PDGFRA: variants seen among roughly 807,000 people sequenced by gnomAD.
PDGFRA encodes the protein platelet-derived growth factor receptor alpha.
PDGFRA carries 25 observed loss-of-function variants against 121.5 expected under a neutral mutation model. The ratio of observed to expected loss-of-function variants is 0.21; its 90% CI spans 0.15 to 0.29. PDGFRA has a LOEUF of 0.29. PDGFRA is among the 10% of genes least tolerant of loss of function. The pLI is 1.00. For missense variants in PDGFRA, 1,008 were observed against 1,345.1 expected (o/e 0.75, Z 3.92); for synonymous variants, 463 against 494.8 (o/e 0.94, Z 0.85).
chr4:54,267,285 G>A lies in PDGFRA; in HGVS notation c.760-4G>A, dbSNP rs369165611. On this transcript the variant is annotated splice_region_variant and splice_polypyrimidine_tract_variant and intron_variant, in intron 5 of 22. Coordinates refer to ENST00000257290, the MANE Select transcript of PDGFRA (RefSeq NM_006206.6). ...AAGTCGGTTTTCTTCCCCTTTTGCT[G>A]TAGAAAGGCAAAGGCATCACAATGC... is the stretch of plus-strand genomic sequence containing the variant. 22 of 1,613,984 alleles carry A rather than the reference G, an allele frequency of 1.4e-5. No homozygotes were observed. Among genetic ancestry groups the A allele is most frequent in the Middle Eastern group, 1.6e-4 (1 of 6,080 alleles).
chr4:54,263,551 T>C, intron 3 of PDGFRA, 116 bp from the exon 4 acceptor site: 1 of 980,040 alleles, frequency 1.0e-6, no homozygotes, highest in Non-Finnish European at 1.7e-6. Context: ...TGGATATATG[T>C]GTAAAGGTGA....
At chr4:54,264,684 T>C (rs1023015272) in intron 4 of PDGFRA, 9 of 442,106 alleles carry the variant, frequency 2.0e-5, no homozygotes, top group African/African-American at 1.8e-4. Flanking sequence ...TTCTGTTTGA[T>C]TGGAATTTAT....
At chr4:54,257,904 C>G (rs2110232814) in intron 1 of PDGFRA, among the ~76,000 whole-genome samples, 2 of 152,220 alleles carry the variant, frequency 1.3e-5, no homozygotes, top group Middle Eastern at 6.8e-3. Flanking sequence ...TTATTTGTGT[C>G]TGACTCAATT....
intron 5 of PDGFRA, chr4:54,265,257 C>T: frequency 1.7e-6 from 1 of 584,370 alleles, no homozygotes; most frequent in Non-Finnish European, 3.1e-6. Context: ...CTGGACCAGG[C>T]CCTTCAGAAT....
At chr4:54,286,393 T>C (rs1724365273) in intron 18 of PDGFRA, among the ~76,000 whole-genome samples, 2 of 151,968 alleles carry the variant, frequency 1.3e-5, no homozygotes, top group Non-Finnish European at 2.9e-5. Flanking sequence ...TCTCACTCTG[T>C]CACCCAGGCT....
Position 54,295,112 on chromosome 4 carries a change from C to T in PDGFRA, c.3123-13C>T. ...CAGGAGTTGTAATATTTGCTCTTCT[C>T]TCCCTCCTCCAGCTCGCAGACCTCT... On this transcript the variant is annotated splice_polypyrimidine_tract_variant and intron_variant, in intron 22 of 22. Transcript: ENST00000257290. The T allele has an allele frequency of 6.2e-7, 1 of 1,613,288 alleles. No individual in the cohort carries two copies. Among genetic ancestry groups the T allele is most frequent in the Non-Finnish European group, 8.5e-7 (1 of 1,179,236 alleles).
intron 16 of PDGFRA, among the ~76,000 whole-genome samples, chr4:54,282,354 C>G (rs1462815209): frequency 1.3e-5 from 2 of 152,162 alleles, no homozygotes; most frequent in African/African-American, 2.4e-5. Flanking sequence ...GAAGTCATGG[C>G]AGAAGGCAAA....
rs188335656 is a variant in PDGFRA, at chr4:54,286,537, A to G, written c.2562+574A>G. ...ATGTTCAGCTAATTTTTGTATTTTT[A>G]GTAGAGACAGGGTTTCACCATGTTG... is the stretch of plus-strand genomic sequence containing the variant. On this transcript the variant is annotated intron_variant, in intron 18 of 22. Transcript: ENST00000257290. 6.7e-4 allele frequency among the ~76,000 whole-genome samples: 102 copies of G among 151,950 alleles called. 1 individual carries two copies. The East Asian group carries it at 0.018, about 27-fold the overall frequency.
chr4:54,229,531 C>G (rs940985406), intron 1 of PDGFRA, 116 bp downstream of exon 1: 9 of 390,588 alleles, frequency 2.3e-5, no homozygotes, highest in African/African-American at 1.9e-4. Context: ...AAAAAAGGAG[C>G]TGGATTCCAG....
At chr4:54,251,459 T>A (rs767910662) in intron 1 of PDGFRA, among the ~76,000 whole-genome samples, 2 of 152,204 alleles carry the variant, frequency 1.3e-5, no homozygotes, top group Non-Finnish European at 2.9e-5. Flanking sequence ...GCAATATAGT[T>A]ATTTGCCTAA....
In PDGFRA at chr4:54,274,613, C is replaced by T. The variant is rs2110296960; in HGVS notation, c.1641C>T (p.Val547=). ...IVIISLIVLV[V]IWKQKPRYEI... ...TCATCTCACTTATTGTCCTGGTTGTCATTTGGAAACAGGTAGATATTTTCT... is the reference window on the plus strand; with the variant it reads ...TCATCTCACTTATTGTCCTGGTTGTTATTTGGAAACAGGTAGATATTTTCT... The change falls in exon 11 of 23, where the codon GTC becomes GTT. Residue 547 remains valine, a synonymous_variant. Transcript: ENST00000257290. 6.2e-7 allele frequency: 1 copy of T among 1,610,174 alleles called. No individual in the cohort carries two copies. Among genetic ancestry groups the T allele is most frequent in the South Asian group, 1.1e-5 (1 of 90,994 alleles).
chr4:54,270,529 A>G (rs1723281632), intron 7 of PDGFRA, 104 bp from the exon 8 acceptor site: 1 of 726,168 alleles, frequency 1.4e-6, no homozygotes, highest in African/African-American at 1.8e-5. Flanking sequence ...AGATGACTTT[A>G]CTTTTTACAG....
chr4:54,234,990 G>C (rs1253438943), intron 1 of PDGFRA, among the ~76,000 whole-genome samples: 2 of 152,108 alleles, frequency 1.3e-5, no homozygotes, highest in Non-Finnish European at 2.9e-5. Context: ...ATGGAGCTCC[G>C]GGAGATCAAA....
chr4:54,265,751 C>T (rs142413369), intron 5 of PDGFRA, among the ~76,000 whole-genome samples: 224 of 152,286 alleles, frequency 1.5e-3, no homozygotes, highest in Middle Eastern at 3.4e-3. Context: ...TGCATTGTCA[C>T]TAAGTGTGTA....
intron 1 of PDGFRA, among the ~76,000 whole-genome samples, chr4:54,257,596 GC>G (rs1371785197): frequency 6.6e-6 from 1 of 152,140 alleles, no homozygotes; most frequent in African/African-American, 2.4e-5. Flanking sequence ...CTCTGCCCAG[GC>G]CCCTCAGTGT....
rs181772075 is a variant in PDGFRA at position 54,253,153 on chromosome 4, A to G, written c.-12-5604A>G. On this transcript the variant is annotated intron_variant, in intron 1 of 22. Coordinates refer to ENST00000257290, the MANE Select transcript of PDGFRA (RefSeq NM_006206.6). ...CATGTCTCCAAGAGGTAGGAAGTGCAGGGCAAGTTATGTGGCTTCTGGGGC... is the reference window on the plus strand; with the variant it reads ...CATGTCTCCAAGAGGTAGGAAGTGCGGGGCAAGTTATGTGGCTTCTGGGGC... Among the ~76,000 whole-genome samples, 32 of 152,364 alleles carry G rather than the reference A, an allele frequency of 2.1e-4. 1 individual carries two copies. The East Asian group carries it at 2.1e-3, about 10-fold the overall frequency.
At chr4:54,267,033 C>T (rs967348015) in intron 5 of PDGFRA, among the ~76,000 whole-genome samples, 1 of 152,084 alleles carries the variant, frequency 6.6e-6, no homozygotes, top group African/African-American at 2.4e-5. Flanking sequence ...AAGCAGCTAG[C>T]TTTTATTCTT....
Position 54,292,646 on chromosome 4 carries a change from T to A in PDGFRA, c.3122+2092T>A, listed in dbSNP as rs145448612. On this transcript the variant is annotated intron_variant, in intron 22 of 22. Coordinates refer to ENST00000257290, the MANE Select transcript of PDGFRA (RefSeq NM_006206.6). ...TTTACCCATGTAACAAACCTGCACA[T>A]CCTGCATATGTACCCCTGAACTTAA... Among the ~76,000 whole-genome samples, 15 of 151,802 alleles carry A rather than the reference T, an allele frequency of 9.9e-5. No individual in the cohort carries two copies. In the East Asian group the frequency reaches 2.9e-3, roughly 29 times the overall value.
intron 3 of PDGFRA, among the ~76,000 whole-genome samples, chr4:54,262,837 C>T (rs973453099): frequency 3.3e-5 from 5 of 152,192 alleles, no homozygotes; most frequent in South Asian, 2.1e-4. Flanking sequence ...TAAAGGCACA[C>T]GAGTCCCTGA....
Sources: allele counts gnomAD v4.1 joint callset (sites outside exome capture counted in the v4.1 genomes callset), GRCh38; gene constraint gnomAD v4.1.1; transcripts MANE v1.5; gene names NCBI Gene and HGNC (gene_info 2026-07-23, HGNC 2026-07-21).